Variants in DISP1 observed in about 807,000 individuals in gnomAD.
The protein encoded by DISP1 is dispatched RND transporter family member 1.
In DISP1, 30 loss-of-function variants were observed where a neutral mutation model predicts 37.3. That is an observed-to-expected ratio of 0.80 (90% CI 0.60 to 1.09). The LOEUF is 1.09. DISP1 is among the 50% of genes least tolerant of loss of function. The pLI, the probability that DISP1 is intolerant of heterozygous loss-of-function variation, is 0.00. For missense variants in DISP1, 1,598 were observed against 1,879.5 expected, an observed-to-expected ratio of 0.85 and a Z score of 2.77; for synonymous variants, 634 against 690.2, an observed-to-expected ratio of 0.92 and a Z score of 1.28.
At chr1:222,998,799 T>C (rs1370998568) in intron 8 of DISP1, among the ~76,000 whole-genome samples, 1 of 152,168 alleles carries the variant, frequency 6.6e-6, no homozygotes, top group Non-Finnish European at 1.5e-5. Flanking sequence ...TCAGAGACTG[T>C]TTACTAGGGT....
At chr1:222,952,600 C>T (rs1675303391) in intron 3 of DISP1, among the ~76,000 whole-genome samples, 1 of 152,088 alleles carries the variant, frequency 6.6e-6, no homozygotes. Flanking sequence ...GTCTGTAATC[C>T]CAGCACTTTG....
chr1:222,862,660 G>A (rs1668946265), intron 1 of DISP1, among the ~76,000 whole-genome samples: 1 of 151,566 alleles, frequency 6.6e-6, no homozygotes, highest in Admixed American at 6.6e-5. Flanking sequence ...AGCCTCCTAA[G>A]TAGCTGAGAC....
rs1235257933 is a variant in DISP1, at chr1:222,851,187, C to G, written c.-159+36109C>G. Among the ~76,000 whole-genome samples, 15 of 151,100 alleles carry G rather than the reference C, an allele frequency of 9.9e-5. No individual in the cohort carries two copies. In the Admixed American group the frequency reaches 1.0e-3, roughly 10 times the overall value. ...GTTCCAGTGATTCTCCTGCCTCAGT[C>G]TCCCAAGTAGCTGGGATCACAGGCA... On this transcript the variant is annotated intron_variant, in intron 1 of 8. Transcript: ENST00000675850.
chr1:222,815,397 G>T (rs995834847), intron 1 of DISP1, among the ~76,000 whole-genome samples: 2 of 152,072 alleles, frequency 1.3e-5, no homozygotes, highest in African/African-American at 4.8e-5. Flanking sequence ...GTAGTCATTC[G>T]TGGGGGCGTG....
intron 8 of DISP1, among the ~76,000 whole-genome samples, chr1:222,995,616 T>A (rs1679004705): frequency 6.6e-6 from 1 of 152,164 alleles, no homozygotes; most frequent in African/African-American, 2.4e-5. Flanking sequence ...CAAAAACATG[T>A]CCGCATCAGA....
chr1:222,917,699 T>G (rs571120759), intron 1 of DISP1, among the ~76,000 whole-genome samples: 20 of 152,270 alleles, frequency 1.3e-4, no homozygotes, highest in African/African-American at 4.3e-4. Flanking sequence ...TGTACGGTCT[T>G]CTTTTATGGC....
intron 2 of DISP1, among the ~76,000 whole-genome samples, chr1:222,933,933 G>A (rs1163313328): frequency 3.3e-5 from 5 of 151,972 alleles, no homozygotes; most frequent in Admixed American, 6.6e-5. Flanking sequence ...TATACTATAT[G>A]ACAACAAAGA....
chr1:222,978,796 G>A (rs1265501385), intron 3 of DISP1, among the ~76,000 whole-genome samples: 1 of 152,082 alleles, frequency 6.6e-6, no homozygotes, highest in Non-Finnish European at 1.5e-5. Flanking sequence ...CCCATTTCTT[G>A]TTTTTGTCAG....
chr1:222,838,714 T>G (rs1442792999), intron 1 of DISP1, among the ~76,000 whole-genome samples: 1 of 152,238 alleles, frequency 6.6e-6, no homozygotes, highest in Admixed American at 6.5e-5. Flanking sequence ...GAGGTTACAG[T>G]GAGCTATGAT....
In DISP1 at chr1:223,003,667, C is replaced by A. The variant is rs754723527; in HGVS notation, c.2270C>A (p.Ser757Ter). The A allele has an allele frequency of 1.2e-6, 2 of 1,614,090 alleles. No individual in the cohort carries two copies. Among genetic ancestry groups the A allele is most frequent in the South Asian group, 1.1e-5 (1 of 91,064 alleles). Residue 757 changes from serine (S) to a stop codon, truncating the protein, a stop_gained, in exon 9 of 9, where the codon TCG becomes TAG. Transcript: ENST00000675850. LOFTEE classifies it low-confidence loss of function (END_TRUNC). The surrounding 1 kb of genome is among the most constrained non-coding windows in gnomAD (Gnocchi z 4.3). ...TTATCCGAGTTCCAGGTGTTCCGGT[C>A]GTCCCATCCTTTTGAGCGTTATGAT... ...LELSEFQVFRSSHPFERYDAE... is the reference protein window; with the variant it reads ...LELSEFQVFR
intron 1 of DISP1, among the ~76,000 whole-genome samples, chr1:222,826,500 C>G (rs1228849250): frequency 1.3e-5 from 2 of 151,152 alleles, no homozygotes; most frequent in African/African-American, 4.9e-5. Context: ...CTTGCCTCAG[C>G]CTCCTGAGTA....
intron 1 of DISP1, among the ~76,000 whole-genome samples, chr1:222,842,635 T>C (rs1667676447): frequency 6.6e-6 from 1 of 152,040 alleles, no homozygotes; most frequent in African/African-American, 2.4e-5. Flanking sequence ...TGAGGAACAA[T>C]TGCATAAATA....
At chr1:222,879,961 C>G (rs928022451) in intron 1 of DISP1, among the ~76,000 whole-genome samples, 1 of 151,882 alleles carries the variant, frequency 6.6e-6, no homozygotes, top group Non-Finnish European at 1.5e-5. Flanking sequence ...TTTGAAAACT[C>G]CACTTTGACG....
At chr1:222,839,704 G>T (rs188689117) in intron 1 of DISP1, among the ~76,000 whole-genome samples, 1 of 152,278 alleles carries the variant, frequency 6.6e-6, no homozygotes, top group East Asian at 1.9e-4. Flanking sequence ...GGAGGCTGAG[G>T]CGGGTGGATC....
chr1:222,891,776 G>A (rs1670957668), intron 1 of DISP1, among the ~76,000 whole-genome samples: 2 of 152,076 alleles, frequency 1.3e-5, no homozygotes, highest in Admixed American at 1.3e-4. Flanking sequence ...GAGTACAACA[G>A]GTTATAGAAT....
intron 1 of DISP1, among the ~76,000 whole-genome samples, chr1:222,866,102 CCTT>C (rs1669172154): frequency 6.6e-6 from 1 of 151,660 alleles, no homozygotes; most frequent in Non-Finnish European, 1.5e-5. Flanking sequence ...CTCTTTTCCT[CCTT>C]TGAAAAAAAA....
chr1:222,823,621 A>G (rs1181123932), intron 1 of DISP1, among the ~76,000 whole-genome samples: 5 of 152,206 alleles, frequency 3.3e-5, no homozygotes, highest in African/African-American at 1.2e-4. Context: ...CCATTACACA[A>G]TATATCCATG....
intron 6 of DISP1, 113 bp from the exon 7 acceptor site, chr1:222,991,900 T>A: frequency 1.1e-6 from 1 of 902,082 alleles, no homozygotes; most frequent in Non-Finnish European, 1.8e-6. Context: ...CCTTTCAACT[T>A]AATATCAAGG....
At chr1:222,819,835 C>T (rs1035895275) in intron 1 of DISP1, among the ~76,000 whole-genome samples, 5 of 151,978 alleles carry the variant, frequency 3.3e-5, no homozygotes, top group African/African-American at 1.2e-4. Context: ...GCCACTGCGC[C>T]GAGCTAATAT....
Sources: gnomAD v4.1 joint callset for allele counts (sites outside exome capture counted in the v4.1 genomes callset) on GRCh38, gnomAD v4.1.1 for gene constraint, Gnocchi (gnomAD v3.1) non-coding constraint, MANE v1.5 for transcripts, NCBI Gene and HGNC (gene_info 2026-07-23, HGNC 2026-07-21) for gene names.